Variants in LDLRAD3 observed in about 807,000 individuals in gnomAD.
The protein encoded by LDLRAD3 is low density lipoprotein receptor class A domain containing 3.
Under a neutral mutation model 29.4 loss-of-function variants are expected in LDLRAD3, and 20 were observed. That is an observed-to-expected ratio of 0.68 (90% CI 0.48 to 0.99). The LOEUF (loss-of-function observed/expected upper bound fraction) is 0.99. Among genes scored for constraint, LDLRAD3 ranks in the 50% least tolerant of loss-of-function variants. LDLRAD3 has a pLI of 0.00. For missense variants in LDLRAD3, 420 were observed against 454.3 expected (o/e 0.92, Z 0.69); for synonymous variants, 157 against 192.7 (o/e 0.81, Z 1.53).
At chr11:36,210,536 G>C (rs762402672) in intron 4 of LDLRAD3, among the ~76,000 whole-genome samples, 1 of 150,866 alleles carries the variant, frequency 6.6e-6, no homozygotes, top group Non-Finnish European at 1.5e-5. Flanking sequence ...AGACCCTGTA[G>C]TTATTCATCT....
At chr11:36,098,558 A>G in intron 4 of LDLRAD3, 97 bp downstream of exon 4, 1 of 1,404,990 alleles carries the variant, frequency 7.1e-7, no homozygotes, top group South Asian at 1.3e-5. Context: ...TCCCATTCCA[A>G]ACACAATAGC....
intron 2 of LDLRAD3, among the ~76,000 whole-genome samples, chr11:36,079,553 G>GC (rs1455006606): frequency 1.3e-5 from 2 of 152,230 alleles, no homozygotes; most frequent in Non-Finnish European, 2.9e-5. Flanking sequence ...ACTGGTTGGG[G>GC]CTGATGTTGT....
At chr11:36,134,329 T>C (rs934329417) in intron 4 of LDLRAD3, among the ~76,000 whole-genome samples, 1 of 152,218 alleles carries the variant, frequency 6.6e-6, no homozygotes, top group Non-Finnish European at 1.5e-5. Flanking sequence ...TCATTAGGTA[T>C]TAATAAGCAC....
At chr11:35,966,379 C>T (rs1043818653) in intron 1 of LDLRAD3, among the ~76,000 whole-genome samples, 2 of 152,166 alleles carry the variant, frequency 1.3e-5, no homozygotes, top group Non-Finnish European at 2.9e-5. Flanking sequence ...GAGCTGAGAT[C>T]GCACCACTGC....
At chr11:36,099,826 A>G (rs1410420243) in intron 4 of LDLRAD3, among the ~76,000 whole-genome samples, 1 of 152,228 alleles carries the variant, frequency 6.6e-6, no homozygotes, top group Non-Finnish European at 1.5e-5. Context: ...GAAAGAAAAG[A>G]CAAAATGTGT....
At chr11:36,031,977 C>T (rs1433931189) in intron 1 of LDLRAD3, among the ~76,000 whole-genome samples, 4 of 152,182 alleles carry the variant, frequency 2.6e-5, no homozygotes, top group Non-Finnish European at 5.9e-5. Flanking sequence ...GATTAGCGTC[C>T]TCTGAGGCCC....
intron 1 of LDLRAD3, among the ~76,000 whole-genome samples, chr11:35,955,155 G>A (rs940335711): frequency 6.6e-6 from 1 of 152,224 alleles, no homozygotes; most frequent in Non-Finnish European, 1.5e-5. Context: ...CGAGGCACGA[G>A]AATCGCTTGA....
At chr11:36,142,788 G>A (rs1201199263) in intron 4 of LDLRAD3, among the ~76,000 whole-genome samples, 1 of 152,100 alleles carries the variant, frequency 6.6e-6, no homozygotes, top group East Asian at 1.9e-4. Flanking sequence ...ACCTCTTCCA[G>A]GTTATCTAAA....
Position 36,081,767 on chromosome 11 carries a change from A to C in LDLRAD3, c.308A>C (p.Glu103Ala). ...GAGGACTGTCCCGATGGCAGCGATG[A>C]AGAGAACTGCAGTAAGTGCTGCGCA... Reference protein sequence around the residue: ...GFEDCPDGSDEENCTANPLLC... With the variant: ...GFEDCPDGSDAENCTANPLLC... The change falls in exon 3 of 6, where the codon GAA (glutamate) becomes GCA (alanine). Residue 103 changes from glutamate (E) to alanine (A), a missense_variant. Transcript: ENST00000315571. 1.9e-6 allele frequency: 3 copies of C among 1,614,212 alleles called. No individual in the cohort carries two copies. The highest frequency in any genetic ancestry group is 2.5e-6 in the Non-Finnish European group (3 of 1,180,032).
At chr11:36,022,427 A>AT (rs77577718) in intron 1 of LDLRAD3, among the ~76,000 whole-genome samples, 57 of 148,384 alleles carry the variant, frequency 3.8e-4, no homozygotes, top group Admixed American at 7.4e-4. Flanking sequence ...GAATTTTAGT[A>AT]TTTTTTTTTT....
intron 4 of LDLRAD3, among the ~76,000 whole-genome samples, chr11:36,106,161 A>C (rs538024558): frequency 2.6e-5 from 4 of 152,256 alleles, no homozygotes; most frequent in Non-Finnish European, 5.9e-5. Flanking sequence ...TGGTCTGCCT[A>C]TGGTGTGGGA....
intron 4 of LDLRAD3, among the ~76,000 whole-genome samples, chr11:36,189,036 C>G (rs2133363981): frequency 6.6e-6 from 1 of 151,784 alleles, no homozygotes; most frequent in East Asian, 1.9e-4. Flanking sequence ...CATGCTTTCA[C>G]TCATTGAAAT....
At chr11:36,198,904 T>C (rs1034346338) in intron 4 of LDLRAD3, among the ~76,000 whole-genome samples, 1 of 150,970 alleles carries the variant, frequency 6.6e-6, no homozygotes, top group Non-Finnish European at 1.5e-5. Flanking sequence ...TTATTTCTTG[T>C]TTTGTTTTTT....
At chr11:36,107,370 A>G (rs1360678190) in intron 4 of LDLRAD3, among the ~76,000 whole-genome samples, 1 of 151,734 alleles carries the variant, frequency 6.6e-6, no homozygotes, top group African/African-American at 2.4e-5. Context: ...TAATTTTTGT[A>G]TTTTTAGTAG....
intron 4 of LDLRAD3, among the ~76,000 whole-genome samples, chr11:36,166,579 A>G (rs1034801985): frequency 5.9e-5 from 9 of 152,176 alleles, no homozygotes; most frequent in Non-Finnish European, 4.4e-5. Flanking sequence ...AATAAGAGAG[A>G]TGACTTATTT....
At chr11:36,023,043 G>T (rs1318364626) in intron 1 of LDLRAD3, among the ~76,000 whole-genome samples, 1 of 152,178 alleles carries the variant, frequency 6.6e-6, no homozygotes, top group Non-Finnish European at 1.5e-5. Flanking sequence ...AGGAGGGAGT[G>T]TGCCTGTGTG....
At chr11:36,070,102 T>C (rs1403117063) in intron 2 of LDLRAD3, among the ~76,000 whole-genome samples, 1 of 152,206 alleles carries the variant, frequency 6.6e-6, no homozygotes, top group Non-Finnish European at 1.5e-5. Context: ...TGTCTTCCAC[T>C]ATCACAGAGA....
chr11:35,977,279 G>A (rs142661932), intron 1 of LDLRAD3, among the ~76,000 whole-genome samples: 342 of 152,240 alleles, frequency 2.2e-3, no homozygotes, highest in African/African-American at 7.7e-3. Flanking sequence ...GATGGGCTCC[G>A]TCTTCTTAAG....
At chr11:36,172,818 G>GT (rs1704573033) in intron 4 of LDLRAD3, among the ~76,000 whole-genome samples, 1 of 152,058 alleles carries the variant, frequency 6.6e-6, no homozygotes, top group South Asian at 2.1e-4. Context: ...CCTGGTTTTG[G>GT]TGTTAGGGTG....
Sources: gnomAD v4.1 joint callset for allele counts (sites outside exome capture counted in the v4.1 genomes callset) on GRCh38, gnomAD v4.1.1 for gene constraint, MANE v1.5 for transcripts, NCBI Gene and HGNC (gene_info 2026-07-23, HGNC 2026-07-21) for gene names.